Variants in GANC observed in about 807,000 individuals in gnomAD.
GANC encodes the protein glucosidase alpha, neutral C, also known as neutral alpha-glucosidase C.
GANC carries 117 observed loss-of-function variants against 124.2 expected under a neutral mutation model. The ratio of observed to expected loss-of-function variants is 0.94; its 90% confidence interval spans 0.81 to 1.10. GANC has a LOEUF of 1.10. Ranked by LOEUF, GANC falls within the 50% of genes least tolerant of loss-of-function variation. The pLI is 0.00. For synonymous variants in GANC, 377 were observed against 376.8 expected (o/e 1.00, Z -0.01); for missense variants, 1,140 against 1,095.0 (o/e 1.04, Z -0.58).
chr15:42,282,909 G>A (rs2051747860), intron 3 of GANC, among the ~76,000 whole-genome samples: 1 of 152,180 alleles, frequency 6.6e-6, no homozygotes, highest in African/African-American at 2.4e-5. Flanking sequence ...TTCTTCTTGT[G>A]CCCTCGCATA....
chr15:42,302,615 T>G (rs1478766859), intron 6 of GANC, among the ~76,000 whole-genome samples: 1 of 152,038 alleles, frequency 6.6e-6, no homozygotes, highest in Admixed American at 6.5e-5. Context: ...GAAAAAAGGT[T>G]AGAGGAATTG....
chr15:42,345,717 T>A, intron 19 of GANC, 41 bp from the exon 20 acceptor site: 1 of 1,225,932 alleles, frequency 8.2e-7, no homozygotes, highest in Non-Finnish European at 1.2e-6. Context: ...TGAGCAGAGT[T>A]GCTTATGTAC....
chr15:42,310,901 T>C (rs1334407079), intron 10 of GANC, 55 bp downstream of exon 10: 4 of 1,558,578 alleles, frequency 2.6e-6, no homozygotes, highest in Non-Finnish European at 3.5e-6. Context: ...CAATGTCCCA[T>C]GTGTCATCAC....
chr15:42,303,039 C>A (rs2051961673), intron 6 of GANC, among the ~76,000 whole-genome samples: 1 of 152,024 alleles, frequency 6.6e-6, no homozygotes, highest in South Asian at 2.1e-4. Context: ...GAAGAGCAAT[C>A]CCAAGACAAT....
intron 11 of GANC, among the ~76,000 whole-genome samples, chr15:42,326,006 C>A (rs2052195528): frequency 6.6e-6 from 1 of 152,234 alleles, no homozygotes; most frequent in South Asian, 2.1e-4. Context: ...AGTCCTCCCA[C>A]CTTGGCCTCC....
intron 6 of GANC, among the ~76,000 whole-genome samples, chr15:42,303,515 T>G (rs1473807736): frequency 6.6e-6 from 1 of 152,074 alleles, no homozygotes; most frequent in Non-Finnish European, 1.5e-5. Context: ...TTATTAACCT[T>G]AAATGTAAAC....
intron 8 of GANC, 112 bp from the exon 9 acceptor site, chr15:42,310,171 C>A: frequency 1.3e-6 from 1 of 754,466 alleles, no homozygotes; most frequent in Non-Finnish European, 2.0e-6. Flanking sequence ...AAGAGTTGAG[C>A]CTCCAAAGAT....
At chr15:42,290,515 A>G (rs1282406103) in intron 4 of GANC, among the ~76,000 whole-genome samples, 1 of 152,192 alleles carries the variant, frequency 6.6e-6, no homozygotes, top group African/African-American at 2.4e-5. Context: ...ACTCCTCAAA[A>G]TTGAATAGCA....
rs755496249 is a variant in GANC at position 42,273,312 on chromosome 15, C to A, written c.-1170C>A. The A allele has an allele frequency of 6.2e-7, 1 of 1,614,170 alleles. No homozygotes were observed. Among genetic ancestry groups the A allele is most frequent in the East Asian group, 2.2e-5 (1 of 44,886 alleles). ...CGGCAGCAGCTACGGTTGCCGGTCC[C>A]GCACTGAAAAACGACAGTGGTGACG... On this transcript the variant is annotated 5_prime_UTR_variant, in exon 1 of 24. Transcript: ENST00000318010.
chr15:42,290,941 G>A (rs1390770011), intron 4 of GANC, among the ~76,000 whole-genome samples: 1 of 152,064 alleles, frequency 6.6e-6, no homozygotes, highest in East Asian at 1.9e-4. Flanking sequence ...ATAAAGGCAG[G>A]TGAAGCTGAT....
intron 5 of GANC, among the ~76,000 whole-genome samples, chr15:42,296,179 G>A (rs913471536): frequency 2.0e-5 from 3 of 150,520 alleles, no homozygotes; most frequent in Admixed American, 1.3e-4. Flanking sequence ...TGTCTGCTTA[G>A]AGTATTGATC....
rs374968176 is a variant in GANC at position 42,352,110 on chromosome 15, G to A, written c.2716G>A (p.Ala906Thr). ...CCTGGAGAAGCTCTCACTCAACATTGCCACTGACTGGGAGGTCCGCATCAT... is the reference window on the plus strand; with the variant it reads ...CCTGGAGAAGCTCTCACTCAACATTACCACTGACTGGGAGGTCCGCATCAT... Reference protein sequence around the residue: ...LSLEKLSLNIATDWEVRII With the variant: ...LSLEKLSLNITTDWEVRII The change falls in exon 24 of 24, where the codon GCC (alanine) becomes ACC (threonine). Residue 906 changes from alanine (A) to threonine (T), a missense_variant. Transcript: ENST00000318010. 16 of 1,613,974 alleles carry A rather than the reference G, an allele frequency of 9.9e-6. No individual in the cohort carries two copies. The highest frequency in any genetic ancestry group is 1.7e-5 in the Admixed American group (1 of 59,994).
At chr15:42,326,655 ACAAG>A (rs1288815275) in intron 12 of GANC, among the ~76,000 whole-genome samples, 1 of 152,232 alleles carries the variant, frequency 6.6e-6, no homozygotes, top group Admixed American at 6.5e-5. Context: ...TGAAAAATAA[ACAAG>A]CAAACCTCAG....
At chr15:42,278,687 C>T (rs1253078056) in intron 3 of GANC, 97 bp downstream of exon 3, 3 of 825,070 alleles carry the variant, frequency 3.6e-6, no homozygotes, top group Non-Finnish European at 5.7e-6. Flanking sequence ...AAAAATAAAC[C>T]TCGTTAGAAA....
intron 15 of GANC, among the ~76,000 whole-genome samples, chr15:42,331,696 CA>C (rs2052246862): frequency 6.6e-6 from 1 of 151,956 alleles, no homozygotes; most frequent in African/African-American, 2.4e-5. Flanking sequence ...GTCCTTGAAA[CA>C]AAAGTAAGAA....
intron 1 of GANC, among the ~76,000 whole-genome samples, chr15:42,274,724 A>C (rs1026153431): frequency 6.6e-6 from 1 of 152,112 alleles, no homozygotes; most frequent in Admixed American, 6.6e-5. Flanking sequence ...AGGTAATCCC[A>C]CAGCACTTTG....
intron 15 of GANC, among the ~76,000 whole-genome samples, chr15:42,333,252 T>G (rs1210680956): frequency 6.6e-6 from 1 of 150,858 alleles, no homozygotes; most frequent in African/African-American, 2.4e-5. Flanking sequence ...TTCTTGCAAC[T>G]GGGAAGTGGA....
chr15:42,279,298 A>G (rs543574380), intron 3 of GANC, among the ~76,000 whole-genome samples: 141 of 152,254 alleles, frequency 9.3e-4, no homozygotes, highest in African/African-American at 3.3e-3. Flanking sequence ...GCTTTCTAAC[A>G]CTGTTACACA....
chr15:42,330,389 C>G (rs182896014), intron 14 of GANC, among the ~76,000 whole-genome samples, 187 bp from the exon 15 acceptor site: 10 of 152,246 alleles, frequency 6.6e-5, no homozygotes, highest in Non-Finnish European at 1.3e-4. Context: ...AGAAAATTTT[C>G]CATTCTTTTA....
Sources: allele counts gnomAD v4.1 joint callset (sites outside exome capture counted in the v4.1 genomes callset), GRCh38; gene constraint gnomAD v4.1.1; transcripts MANE v1.5; gene names NCBI Gene and HGNC (gene_info 2026-07-23, HGNC 2026-07-21).